Variants in TNK2 observed in about 807,000 individuals in gnomAD.
TNK2 encodes activated CDC42 kinase 1.
A neutral mutation model predicts 101.8 loss-of-function variants in TNK2; 83 were observed. That is an observed-to-expected ratio of 0.82 (90% CI 0.68 to 0.98). The LOEUF is 0.98. Ranked by LOEUF, TNK2 falls within the 50% of genes least tolerant of loss-of-function variation. The pLI, the probability that TNK2 is intolerant of heterozygous loss-of-function variation, is 0.00. For missense variants in TNK2, 1,665 were observed against 1,483.2 expected, an observed-to-expected ratio of 1.12 and a Z score of -2.01; for synonymous variants, 804 against 633.0, an observed-to-expected ratio of 1.27 and a Z score of -4.06.
Position 195,869,372 on chromosome 3 carries a change from G to C in TNK2, c.1588+125C>G, listed in dbSNP as rs1743256545. ...ATGCTAGGCCAGGGCAGCCGCGGAA[G>C]CTCACAGCACACACCCACCCACCTC... On this transcript the variant is annotated intron_variant, in intron 12 of 15. Coordinates refer to ENST00000672887, the MANE Select transcript of TNK2 (RefSeq NM_001382273.1). The C allele has an allele frequency of 3.9e-6, 4 of 1,029,956 alleles. No individual in the cohort carries two copies. The Admixed American group carries it at 8.2e-5, about 21-fold the overall frequency. The allele number at this position is 1,029,956 out of a possible 1,614,324, so 63.8% of individuals were successfully genotyped here. A position where few individuals can be genotyped will look rare whatever the true frequency, so the allele number is the denominator to read the frequency against.
chr3:195,869,095 C>T (rs898357132), intron 12 of TNK2: 17 of 468,030 alleles, frequency 3.6e-5, no homozygotes, highest in Non-Finnish European at 5.0e-5. Flanking sequence ...AGTGCAGGCA[C>T]GGAGCCGCCT....
chr3:195,887,918 G>A (rs544601680), intron 2 of TNK2, among the ~76,000 whole-genome samples: 101 of 148,014 alleles, frequency 6.8e-4, no homozygotes, highest in African/African-American at 2.2e-3. Flanking sequence ...ACGTGCATGC[G>A]TGCGTGCACG....
chr3:195,892,815 C>T, intron 1 of TNK2: 1 of 1,028,864 alleles, frequency 9.7e-7, no homozygotes, highest in East Asian at 4.6e-5. Flanking sequence ...CTCTTGCCTG[C>T]CTCTCTCTCT....
intron 9 of TNK2, chr3:195,872,788 C>A: frequency 6.3e-6 from 2 of 316,612 alleles, no homozygotes. Context: ...AAGATCCCAG[C>A]AGACCTGGGA....
chr3:195,890,436 T>C (rs1349340636), intron 1 of TNK2, among the ~76,000 whole-genome samples: 1 of 150,984 alleles, frequency 6.6e-6, no homozygotes, highest in African/African-American at 2.4e-5. Context: ...AATAAGAAAG[T>C]ACTTTTATAG....
At chr3:195,908,329 G>A (rs1761963967) in intron 1 of TNK2, 156 bp downstream of exon 1, 1 of 152,538 alleles carries the variant, frequency 6.6e-6, no homozygotes, top group South Asian at 2.1e-4. Flanking sequence ...CGGGGGAGAG[G>A]TCCTGCCTTG....
Position 195,878,245 on chromosome 3 carries a change from C to A in TNK2, c.1256+8G>T, listed in dbSNP as rs376465714. On this transcript the variant is annotated splice_region_variant and intron_variant, in intron 9 of 15. Transcript: ENST00000672887. This position sits in a 1 kb window ranked among gnomAD's most constrained non-coding sequence, Gnocchi z 4.7. ...TCCCAGGGCGGGGCCCAGCCCTGCA[C>A]TCCCTACCTTCCCTCGATGACGGTG... 84 of 1,614,038 alleles carry A rather than the reference C, an allele frequency of 5.2e-5. No homozygotes were observed. In the African/African-American group the frequency reaches 1.0e-3, roughly 19 times the overall value.
At chr3:195,900,250 G>C (rs1220374553) in intron 1 of TNK2, among the ~76,000 whole-genome samples, 7 of 152,076 alleles carry the variant, frequency 4.6e-5, no homozygotes. Flanking sequence ...CTCACCGAGA[G>C]AGAGGAGGGG....
At chr3:195,892,398 GCCCC>G (rs1282016307) in intron 1 of TNK2, 1 of 1,527,928 alleles carries the variant, frequency 6.5e-7, no homozygotes, top group Admixed American at 2.0e-5. Context: ...TCCAGCCCCT[GCCCC>G]CCACTCACTG....
At chr3:195,895,493 G>C in intron 1 of TNK2, 1 of 1,358,524 alleles carries the variant, frequency 7.4e-7, no homozygotes, top group East Asian at 3.1e-5. Flanking sequence ...CCGGGTGGTC[G>C]CGCCCCTCCT....
intron 1 of TNK2, among the ~76,000 whole-genome samples, chr3:195,902,112 C>T (rs1319179683): frequency 6.6e-6 from 1 of 152,118 alleles, no homozygotes; most frequent in Admixed American, 6.5e-5. Flanking sequence ...GAGGAAAAAC[C>T]ACCACAGAAC....
In TNK2 at chr3:195,869,541, C is replaced by A; in HGVS notation, c.1544G>T (p.Arg515Met). 3.2e-6 allele frequency: 5 copies of A among 1,551,200 alleles called. No homozygotes were observed. The highest frequency in any genetic ancestry group is 4.4e-6 in the Non-Finnish European group (5 of 1,146,982). ...RPPQHLGGVKREPPPRPPQPA... is the reference protein window; with the variant it reads ...RPPQHLGGVKMEPPPRPPQPA... ...CTGAGGTGGGCGAGGTGGAGGCTCC[C>A]CTGCAAGAAAGGCCATGCGGACAGG... is the stretch of plus-strand genomic sequence containing the variant. The change falls in exon 12 of 16, where the codon AGG (arginine) becomes ATG (methionine). Residue 515 changes from arginine (R) to methionine (M), a missense_variant and splice_region_variant. Arg to Met is a moderately conservative substitution (Grantham distance 91). Around this residue, in one of 3 missense-constraint regions of TNK2, gnomAD observed 1,136 missense variants for 894.9 expected, o/e 1.27. Coordinates refer to ENST00000672887, the MANE Select transcript of TNK2 (RefSeq NM_001382273.1).
At position 195,886,898 on chromosome 3, in the gene TNK2, G is replaced by T; in HGVS notation, c.234+79C>A. ...AGATTCGACCTGCCGGGGAGCTGGG[G>T]AAGGTTCCCAGGACCAGAAGCGGAG... On this transcript the variant is annotated intron_variant, in intron 3 of 15. Transcript: ENST00000672887. This position sits in a 1 kb window ranked among gnomAD's most constrained non-coding sequence, Gnocchi z 4.2. 1 of 1,502,308 alleles carries T rather than the reference G, an allele frequency of 6.7e-7. No individual in the cohort carries two copies. The highest frequency in any genetic ancestry group is 1.1e-5 in the South Asian group (1 of 88,836). 93.1% of individuals were successfully genotyped at this position (1,502,308 alleles called of 1,614,324 possible). A position where few individuals can be genotyped will look rare whatever the true frequency, so the allele number is the denominator to read the frequency against.
chr3:195,882,581 G>C lies in TNK2; in HGVS notation c.610-253C>G. Reference sequence around the variant, plus strand: ...GGCTAGAAATTCCAAAACTCAGCTGGACGTGGTGGCTCACGCCTGTAATCC... The same window carrying C: ...GGCTAGAAATTCCAAAACTCAGCTGCACGTGGTGGCTCACGCCTGTAATCC... On this transcript the variant is annotated intron_variant, in intron 5 of 15. Coordinates refer to ENST00000672887, the MANE Select transcript of TNK2 (RefSeq NM_001382273.1). The surrounding 1 kb of genome is among the most constrained non-coding windows in gnomAD (Gnocchi z 4.2). 4.1e-6 allele frequency: 6 copies of C among 1,472,662 alleles called. No homozygotes were observed. Among genetic ancestry groups the C allele is most frequent in the Non-Finnish European group, 4.5e-6 (5 of 1,101,038 alleles). The allele number at this position is 1,472,662 out of a possible 1,614,324, so 91.2% of individuals were successfully genotyped here.
rs890958571 is a variant in TNK2 at position 195,895,461 on chromosome 3, C to T, written c.-18-6855G>A. ...GCTACTGCGTCTCAGCCCCCATAGC[C>T]TCATCCGCCATCGGCCGGCGGCCGG... On this transcript the variant is annotated intron_variant, in intron 1 of 15. Coordinates refer to ENST00000672887, the MANE Select transcript of TNK2 (RefSeq NM_001382273.1). 2.1e-6 allele frequency: 3 copies of T among 1,404,804 alleles called. No individual in the cohort carries two copies. The African/African-American group carries it at 4.6e-5, about 21-fold the overall frequency. 87.0% of individuals were successfully genotyped at this position (1,404,804 alleles called of 1,614,324 possible).
chr3:195,863,991 A>T lies in TNK2; in HGVS notation c.*190T>A. On this transcript the variant is annotated 3_prime_UTR_variant, in exon 16 of 16. Coordinates refer to ENST00000672887, the MANE Select transcript of TNK2 (RefSeq NM_001382273.1). ...CGGGACTGAACCAAAGTGTGCAGGG[A>T]CAGCGCTGGTGCAGGAGGGATGGGC... 1.5e-6 allele frequency: 1 copy of T among 672,910 alleles called. No individual in the cohort carries two copies. The highest frequency in any genetic ancestry group is 1.9e-5 in the South Asian group (1 of 53,178). 41.7% of individuals were successfully genotyped at this position (672,910 alleles called of 1,614,324 possible). A position where few individuals can be genotyped will look rare whatever the true frequency, so the allele number is the denominator to read the frequency against.
At position 195,867,537 on chromosome 3, in the gene TNK2, T is replaced by A; in HGVS notation, c.2761A>T (p.Thr921Ser). 1.0e-6 allele frequency: 1 copy of A among 964,750 alleles called. No individual in the cohort carries two copies. The allele number at this position is 964,750 out of a possible 1,614,324, so 59.8% of individuals were successfully genotyped here. ...TGGGGCATCGGCCGCACGGTGGCCG[T>A]GGGGGCGGCGGGGGCTGGGGTGCTG... is the stretch of plus-strand genomic sequence containing the variant. Reference protein sequence around the residue: ...PPSTPAPAAPTATVRPMPQAA... With the variant: ...PPSTPAPAAPSATVRPMPQAA... The change falls in exon 13 of 16, where the codon ACG (threonine) becomes TCG (serine). Residue 921 changes from threonine (T) to serine (S), a missense_variant. By Grantham distance (58) the Thr-to-Ser change is moderately conservative. Transcript: ENST00000672887.
chr3:195,897,643 A>C (rs960027507), intron 1 of TNK2, among the ~76,000 whole-genome samples: 5 of 152,178 alleles, frequency 3.3e-5, no homozygotes, highest in Admixed American at 2.0e-4. Context: ...CTGGGATTAC[A>C]GGCGTGCACT....
intron 6 of TNK2, among the ~76,000 whole-genome samples, chr3:195,880,683 A>C (rs866326272): frequency 1.7e-4 from 13 of 74,934 alleles, no homozygotes; most frequent in East Asian, 4.1e-4. Flanking sequence ...CTCAGCAATG[A>C]CCCTCGGAGA....
Sources: gnomAD v4.1 joint callset for allele counts (sites outside exome capture counted in the v4.1 genomes callset) on GRCh38, gnomAD v4.1.1 for gene constraint, gnomAD v4.1.1 regional missense constraint, Gnocchi (gnomAD v3.1) non-coding constraint, MANE v1.5 for transcripts, NCBI Gene and HGNC (gene_info 2026-07-23, HGNC 2026-07-21) for gene names.